Variants in GLRX3 observed in about 807,000 individuals in gnomAD.
GLRX3 encodes the protein glutaredoxin 3, also known as glutaredoxin-3.
GLRX3 carries 22 observed loss-of-function variants against 49.5 expected under a neutral mutation model. The observed-to-expected ratio is 0.44, with a 90% CI of 0.32 to 0.63. The LOEUF is 0.63. Among genes scored for constraint, GLRX3 ranks in the 30% least tolerant of loss-of-function variants. The pLI is 0.05. For synonymous variants in GLRX3, 133 were observed against 140.0 expected (o/e 0.95, Z 0.35); for missense variants, 385 against 396.3 (o/e 0.97, Z 0.24).
At chr10:130,173,789 A>G (rs1862861390) in intron 8 of GLRX3, among the ~76,000 whole-genome samples, 1 of 152,182 alleles carries the variant, frequency 6.6e-6, no homozygotes, top group Non-Finnish European at 1.5e-5. Flanking sequence ...TCTTCTTTCA[A>G]ACATTCCTTT....
chr10:130,161,010 C>T lies in GLRX3; in HGVS notation c.478+13C>T, dbSNP rs2134903351. 6.3e-7 allele frequency: 1 copy of T among 1,594,346 alleles called. No individual in the cohort carries two copies. The highest frequency in any genetic ancestry group is 2.2e-5 in the East Asian group (1 of 44,790). On this transcript the variant is annotated intron_variant, in intron 4 of 10. Transcript: ENST00000331244. ...GAACCACGCTGTGGTAAGAAGCTGCCTTTAACATAATATAAACAAAATGGG... is the reference window on the plus strand; with the variant it reads ...GAACCACGCTGTGGTAAGAAGCTGCTTTTAACATAATATAAACAAAATGGG...
chr10:130,137,576 C>T (rs183361034), intron 1 of GLRX3, among the ~76,000 whole-genome samples: 33 of 152,238 alleles, frequency 2.2e-4, no homozygotes, highest in South Asian at 6.2e-4. Context: ...TAGATTAGCA[C>T]CTGTTAGTAC....
At chr10:130,165,758 A>G (rs192616576) in intron 4 of GLRX3, among the ~76,000 whole-genome samples, 3 of 152,368 alleles carry the variant, frequency 2.0e-5, no homozygotes, top group Admixed American at 2.0e-4. Context: ...GGCAGTAGAA[A>G]TGCAACAGCA....
chr10:130,168,194 C>T (rs1399404485), intron 6 of GLRX3, among the ~76,000 whole-genome samples: 1 of 152,170 alleles, frequency 6.6e-6, no homozygotes, highest in Admixed American at 6.5e-5. Context: ...ATTTAAAGGG[C>T]TCCGAGTGAG....
chr10:130,170,306 A>G (rs953384975), intron 7 of GLRX3, among the ~76,000 whole-genome samples: 4 of 152,178 alleles, frequency 2.6e-5, no homozygotes, highest in Admixed American at 6.6e-5. Context: ...TGTTAGCAAG[A>G]TGCACCGGGC....
intron 6 of GLRX3, among the ~76,000 whole-genome samples, chr10:130,167,422 A>G (rs1862714365): frequency 6.6e-6 from 1 of 152,218 alleles, no homozygotes; most frequent in Non-Finnish European, 1.5e-5. Flanking sequence ...CCTCGCAACA[A>G]GCTTTGAGCA....
At chr10:130,149,663 G>A (rs1433972566) in intron 2 of GLRX3, among the ~76,000 whole-genome samples, 1 of 151,998 alleles carries the variant, frequency 6.6e-6, no homozygotes, top group African/African-American at 2.4e-5. Flanking sequence ...ATCTGGCAGA[G>A]GGGGGTGGGA....
chr10:130,158,881 T>TA (rs920126584), intron 2 of GLRX3, among the ~76,000 whole-genome samples: 3 of 152,096 alleles, frequency 2.0e-5, no homozygotes, highest in African/African-American at 4.8e-5. Flanking sequence ...AAGTGTTTTC[T>TA]AAAAAAATAA....
At chr10:130,150,325 T>G (rs1459512029) in intron 2 of GLRX3, among the ~76,000 whole-genome samples, 1 of 152,072 alleles carries the variant, frequency 6.6e-6, no homozygotes, top group Non-Finnish European at 1.5e-5. Context: ...CAAGCCTCCC[T>G]GATCCCACTT....
At chr10:130,138,851 T>TTG (rs1862117536) in intron 1 of GLRX3, among the ~76,000 whole-genome samples, 2 of 145,654 alleles carry the variant, frequency 1.4e-5, no homozygotes, top group Admixed American at 1.4e-4. Flanking sequence ...AAAAGTGTTT[T>TTG]TTTTTTTTTT....
At chr10:130,136,667 C>T (rs978474978) in intron 1 of GLRX3, among the ~76,000 whole-genome samples, 155 bp downstream of exon 1, 9 of 152,274 alleles carry the variant, frequency 5.9e-5, no homozygotes, top group African/African-American at 2.2e-4. Context: ...CGTAGACTCC[C>T]CCGAGCCTCC....
chr10:130,151,161 C>T (rs563189451), intron 2 of GLRX3, among the ~76,000 whole-genome samples: 4 of 152,088 alleles, frequency 2.6e-5, no homozygotes, highest in African/African-American at 7.2e-5. Flanking sequence ...CTCATGACCT[C>T]GTGATCCGCC....
intron 10 of GLRX3, among the ~76,000 whole-genome samples, chr10:130,175,754 A>G (rs1862904592): frequency 6.6e-6 from 1 of 152,246 alleles, no homozygotes; most frequent in South Asian, 2.1e-4. Flanking sequence ...CAGGCCCACC[A>G]ACTAACACCT....
chr10:130,140,086 C>T (rs1862146035), intron 1 of GLRX3, among the ~76,000 whole-genome samples: 1 of 152,184 alleles, frequency 6.6e-6, no homozygotes, highest in Admixed American at 6.5e-5. Context: ...TTGCTGAAAT[C>T]TCAGCTGGTT....
chr10:130,175,220 A>G (rs1354871582), intron 10 of GLRX3, 131 bp downstream of exon 10: 18 of 668,554 alleles, frequency 2.7e-5, no homozygotes, highest in South Asian at 1.5e-4. Context: ...AGACATTTCT[A>G]GACCAGTATC....
chr10:130,174,762 G>T (rs1862881917), intron 8 of GLRX3, 105 bp from the exon 9 acceptor site: 2 of 743,884 alleles, frequency 2.7e-6, no homozygotes, highest in Non-Finnish European at 2.4e-6. Flanking sequence ...CATTTTGTTA[G>T]CAGTGAAACG....
Position 130,143,621 on chromosome 10 carries a change from T to C in GLRX3, c.93-1590T>C, listed in dbSNP as rs374652533. Among the ~76,000 whole-genome samples, 102 of 152,172 alleles carry C rather than the reference T, an allele frequency of 6.7e-4. No homozygotes were observed. The East Asian group carries it at 0.017, about 25-fold the overall frequency. On this transcript the variant is annotated intron_variant, in intron 1 of 10. Transcript: ENST00000331244. The stretch of plus-strand genomic sequence containing the variant: ...ATGGCTCACTACAGCCTCGACCCCC[T>C]GGGCTCAAGTAATCCTTCCACCTTA...
At chr10:130,171,358 T>G (rs1043703335) in intron 7 of GLRX3, among the ~76,000 whole-genome samples, 4 of 152,004 alleles carry the variant, frequency 2.6e-5, no homozygotes, top group African/African-American at 9.7e-5. Context: ...TCATCTCAAG[T>G]GGTTACAAAC....
chr10:130,153,261 G>A (rs570158594), intron 2 of GLRX3, among the ~76,000 whole-genome samples: 2 of 152,288 alleles, frequency 1.3e-5, no homozygotes, highest in South Asian at 4.1e-4. Context: ...TTAGCTAGGA[G>A]AAGTTTGTTA....
Sources: gnomAD v4.1 joint callset for allele counts (sites outside exome capture counted in the v4.1 genomes callset) on GRCh38, gnomAD v4.1.1 for gene constraint, MANE v1.5 for transcripts, NCBI Gene and HGNC (gene_info 2026-07-23, HGNC 2026-07-21) for gene names.